FGF1: variants seen among roughly 807,000 people sequenced by gnomAD.
FGF1 encodes the protein beta-endothelial cell growth factor.
In FGF1, 9 loss-of-function variants were observed where a neutral mutation model predicts 13.4. That is an observed-to-expected ratio of 0.67 (90% CI 0.40 to 1.17). The LOEUF (loss-of-function observed/expected upper bound fraction) is 1.17. Among genes scored for constraint, FGF1 ranks in the 50% most tolerant of loss-of-function variants. The probability of loss-of-function intolerance (pLI) is 0.01; values close to 1 mark genes in which losing one functional copy is unlikely to be tolerated. For missense variants in FGF1, 156 were observed against 192.7 expected, an observed-to-expected ratio of 0.81 and a Z score of 1.13; for synonymous variants, 93 against 79.0, an observed-to-expected ratio of 1.18 and a Z score of -0.94.
intron 2 of FGF1, among the ~76,000 whole-genome samples, chr5:142,608,781 G>C (rs1195724430): frequency 6.8e-5 from 7 of 103,136 alleles, no homozygotes; most frequent in Non-Finnish European, 1.4e-4. Flanking sequence ...TATATATATA[G>C]TATATGTGAT....
chr5:142,672,526 A>G lies in FGF1; in HGVS notation c.-35+13431T>C, dbSNP rs1189308332. The stretch of plus-strand genomic sequence containing the variant: ...TTTTTTTTTTTTTTTTTTTTTTGAA[A>G]CCAAGTCTCACTCTGTCGCCCAGGC... On this transcript the variant is annotated intron_variant, in intron 1 of 3. Coordinates refer to ENST00000337706, the MANE Select transcript of FGF1 (RefSeq NM_000800.5). 9.7e-5 allele frequency among the ~76,000 whole-genome samples: 14 copies of G among 144,472 alleles called. 1 individual carries two copies. Among genetic ancestry groups the G allele is most frequent in the African/African-American group, 3.6e-4 (14 of 38,934 alleles). 94.8% of individuals were successfully genotyped at this position (144,472 alleles called of 152,430 possible).
At chr5:142,627,799 C>T (rs187284780) in intron 1 of FGF1, among the ~76,000 whole-genome samples, 2 of 152,312 alleles carry the variant, frequency 1.3e-5, no homozygotes, top group Admixed American at 6.5e-5. Context: ...CAATGTAAAA[C>T]TTGTTTCTTT....
intron 1 of FGF1, among the ~76,000 whole-genome samples, chr5:142,658,459 G>A (rs948928443): frequency 4.6e-5 from 7 of 152,186 alleles, no homozygotes; most frequent in East Asian, 1.9e-4. Context: ...TGGCATTCAA[G>A]GCTCTTGACT....
intron 1 of FGF1, among the ~76,000 whole-genome samples, chr5:142,654,782 T>TC (rs1365437760): frequency 6.6e-6 from 1 of 152,198 alleles, no homozygotes; most frequent in South Asian, 2.1e-4. Context: ...GGGGCCAATC[T>TC]CCCTTTGCCT....
rs573491328 is a variant in FGF1 at position 142,594,295 on chromosome 5, A to T, written c.*995T>A. On this transcript the variant is annotated 3_prime_UTR_variant, in exon 4 of 4. Coordinates refer to ENST00000337706, the MANE Select transcript of FGF1 (RefSeq NM_000800.5). ...AGAAACTCTGCCCCCAACCCACTGA[A>T]TCAGAATCTCCATTCAAACCAGGTC... 1 of 152,272 alleles carries T rather than the reference A, an allele frequency of 6.6e-6. No homozygotes were observed. Among genetic ancestry groups the T allele is most frequent in the African/African-American group, 2.4e-5 (1 of 41,442 alleles). 9.4% of individuals were successfully genotyped at this position (152,272 alleles called of 1,614,324 possible). A position where few individuals can be genotyped will look rare whatever the true frequency, so the allele number is the denominator to read the frequency against.
At chr5:142,677,966 G>A (rs983283721) in intron 1 of FGF1, among the ~76,000 whole-genome samples, 1 of 152,186 alleles carries the variant, frequency 6.6e-6, no homozygotes, top group African/African-American at 2.4e-5. Flanking sequence ...ACTGACAAGA[G>A]AGGCAGGGCC....
In FGF1 at chr5:142,595,469, C is replaced by T; in HGVS notation, c.289G>A (p.Glu97Lys). The change falls in exon 4 of 4, where the codon GAA (glutamate) becomes AAA (lysine). Residue 97 changes from glutamate to lysine, a missense_variant. Physicochemically the swap from Glu to Lys is moderately conservative, Grantham distance 56. Coordinates refer to ENST00000337706, the MANE Select transcript of FGF1 (RefSeq NM_000800.5). ...TCCAGCCTTTCCAGGAACAAACATT[C>T]CTCATTTGGTGTCTGCTAAAAAGAT... Reference protein sequence around the residue: ...LLYGSQTPNEECLFLERLEEN... With the variant: ...LLYGSQTPNEKCLFLERLEEN... The T allele has an allele frequency of 6.2e-7, 1 of 1,613,548 alleles. No individual in the cohort carries two copies. The highest frequency in any genetic ancestry group is 8.5e-7 in the Non-Finnish European group (1 of 1,179,718).
intron 1 of FGF1, among the ~76,000 whole-genome samples, chr5:142,636,038 G>A (rs1011427402): frequency 6.6e-6 from 1 of 152,110 alleles, no homozygotes; most frequent in Non-Finnish European, 1.5e-5. Context: ...TGCTGCTGGT[G>A]GGAAGAAAAT....
rs544127589 is a variant in FGF1 at position 142,605,302 on chromosome 5, G to C, written c.170-4497C>G. On this transcript the variant is annotated intron_variant, in intron 2 of 3. Transcript: ENST00000337706. ...TTTTTTTTTTTTTTTTGTATTTTTA[G>C]TAGAGACAGGGTTTCATCATGTTGG... is the stretch of plus-strand genomic sequence containing the variant. 2.6e-3 allele frequency among the ~76,000 whole-genome samples: 343 copies of C among 133,788 alleles called. 1 individual carries two copies. Among genetic ancestry groups the C allele is most frequent in the South Asian group, 2.9e-3 (12 of 4,112 alleles). 87.8% of individuals were successfully genotyped at this position (133,788 alleles called of 152,430 possible).
chr5:142,597,863 G>A (rs1259921576), intron 3 of FGF1, among the ~76,000 whole-genome samples: 3 of 152,210 alleles, frequency 2.0e-5, no homozygotes, highest in African/African-American at 4.8e-5. Flanking sequence ...GTGCTCACCA[G>A]CTAAGTAATG....
intron 2 of FGF1, among the ~76,000 whole-genome samples, chr5:142,611,975 C>T (rs7727832): frequency 0.097 from 14,741 of 152,244 alleles, 1,132 homozygotes; most frequent in African/African-American, 0.21. Context: ...GTGCCAAGAA[C>T]TCTCACTATA....
At chr5:142,621,549 T>C (rs1761620176) in intron 1 of FGF1, among the ~76,000 whole-genome samples, 1 of 152,076 alleles carries the variant, frequency 6.6e-6, no homozygotes, top group African/African-American at 2.4e-5. Context: ...AATTCACATA[T>C]ACCAGTTTAG....
At position 142,592,482 on chromosome 5, in the gene FGF1, C is replaced by G. The variant is rs556086885; in HGVS notation, c.*2808G>C. ...AACCAATACCTACCTCCACCACCAT[C>G]ACATTGCAAACGACCAAAAGCACAT... On this transcript the variant is annotated 3_prime_UTR_variant, in exon 4 of 4. Coordinates refer to ENST00000337706, the MANE Select transcript of FGF1 (RefSeq NM_000800.5). 11 of 398,548 alleles carry G rather than the reference C, an allele frequency of 2.8e-5. No individual in the cohort carries two copies. The highest frequency in any genetic ancestry group is 2.3e-4 in the African/African-American group (11 of 48,758). The allele number at this position is 398,548 out of a possible 1,614,324, so 24.7% of individuals were successfully genotyped here.
chr5:142,633,667 G>C (rs1597235951), intron 1 of FGF1, among the ~76,000 whole-genome samples: 1 of 152,208 alleles, frequency 6.6e-6, no homozygotes, highest in East Asian at 1.9e-4. Context: ...ACGGGGAGCA[G>C]AATGCCCACT....
At chr5:142,640,017 C>T (rs1764905550) in intron 1 of FGF1, among the ~76,000 whole-genome samples, 1 of 151,918 alleles carries the variant, frequency 6.6e-6, no homozygotes, top group South Asian at 2.1e-4. Context: ...CTGTTAAACT[C>T]TGCTAATTTG....
upstream of FGF1, among the ~76,000 whole-genome samples, chr5:142,687,066 T>C (rs549036096): frequency 6.6e-6 from 1 of 152,288 alleles, no homozygotes; most frequent in African/African-American, 2.4e-5. Context: ...TTTCCAATAA[T>C]TGAAGAGTCG....
intron 1 of FGF1, among the ~76,000 whole-genome samples, chr5:142,648,734 A>AATGGAGAG (rs1766668867): frequency 6.8e-6 from 1 of 147,986 alleles, no homozygotes; most frequent in South Asian, 2.2e-4. Flanking sequence ...CTTGAGGAGG[A>AATGGAGAG]ATGGAGAGAA....
intron 1 of FGF1, among the ~76,000 whole-genome samples, chr5:142,667,738 G>A (rs143149787): frequency 0.014 from 2,079 of 152,252 alleles, 10 homozygotes; most frequent in Middle Eastern, 0.041. Flanking sequence ...TGAAGGCCTC[G>A]GCGGGCTCTG....
At chr5:142,674,019 C>A (rs1218852883) in intron 1 of FGF1, among the ~76,000 whole-genome samples, 1 of 152,170 alleles carries the variant, frequency 6.6e-6, no homozygotes, top group Non-Finnish European at 1.5e-5. Flanking sequence ...CCACCACAGG[C>A]CCTCCCACCT....
Sources: gnomAD v4.1 joint callset for allele counts (sites outside exome capture counted in the v4.1 genomes callset) on GRCh38, gnomAD v4.1.1 for gene constraint, MANE v1.5 for transcripts, NCBI Gene and HGNC (gene_info 2026-07-23, HGNC 2026-07-21) for gene names.